SPTB: variants seen among roughly 807,000 people sequenced by gnomAD.
SPTB encodes spectrin beta chain, erythrocytic.
A neutral mutation model predicts 256.2 loss-of-function variants in SPTB; 45 were observed. The observed-to-expected ratio is 0.18, with a 90% confidence interval of 0.14 to 0.23. SPTB has a LOEUF of 0.23. SPTB is among the 10% of genes least tolerant of loss of function. The probability of loss-of-function intolerance (pLI) is 1.00; values close to 1 mark genes in which losing one functional copy is unlikely to be tolerated. For synonymous variants in SPTB, 1,231 were observed against 1,243.1 expected, an observed-to-expected ratio of 0.99 and a Z score of 0.21; for missense variants, 2,715 against 3,040.4, an observed-to-expected ratio of 0.89 and a Z score of 2.52.
At chr14:64,763,076 A>C (rs1208213047) in intron 32 of SPTB, among the ~76,000 whole-genome samples, 1 of 152,146 alleles carries the variant, frequency 6.6e-6, no homozygotes, top group Non-Finnish European at 1.5e-5. Context: ...GCCTGGGGGG[A>C]CTTGCAGCAT....
At chr14:64,801,486 A>T (rs1294583438) in intron 6 of SPTB, 86 bp from the exon 7 acceptor site, 2 of 1,020,896 alleles carry the variant, frequency 2.0e-6, no homozygotes, top group Non-Finnish European at 3.1e-6. Flanking sequence ...GACATTGTAC[A>T]GAGGCAGGGA....
In SPTB at chr14:64,844,039, G is replaced by A. The variant is rs539852909; in HGVS notation, c.-51-20894C>T. On this transcript the variant is annotated intron_variant, in intron 1 of 35. Transcript: ENST00000644917. This position sits in a 1 kb window ranked among gnomAD's most constrained non-coding sequence, Gnocchi z 4.1. ...TAATTATAAAAGTGACATATGCCAG[G>A]TCTTTAGCAAATCCCAACAAAAAAA... Among the ~76,000 whole-genome samples, 29 of 152,062 alleles carry A rather than the reference G, an allele frequency of 1.9e-4. No homozygotes were observed. The highest frequency in any genetic ancestry group is 3.7e-4 in the Non-Finnish European group (25 of 68,014).
chr14:64,749,414 G>T lies in SPTB; in HGVS notation c.6879C>A (p.Ile2293=), dbSNP rs1348448749. ...VSTAINESQS[I]RVKAQSLPLP... ...GGGGCAGGCTCTGCGCCTTGACGCG[G>T]ATGCTCTGGGACTCGTTGATGGCGG... Residue 2293 remains isoleucine (I), a synonymous_variant, in exon 36 of 36, where the codon ATC becomes ATA. Transcript: ENST00000644917. The surrounding 1 kb of genome is among the most constrained non-coding windows in gnomAD (Gnocchi z 4.7). 6.2e-7 allele frequency: 1 copy of T among 1,607,082 alleles called. No individual in the cohort carries two copies.
In SPTB at chr14:64,772,600, G is replaced by T; in HGVS notation, c.5533C>A (p.Leu1845Ile). ...GGTACCTGGACACCCAGCAGGTGGAGCTCCCGCTCGAAGGCTGTGTGCACC... is the reference window on the plus strand; with the variant it reads ...GGTACCTGGACACCCAGCAGGTGGATCTCCCGCTCGAAGGCTGTGTGCACC... ...HRVHTAFERELHLLGVQVQQF... is the reference protein window; with the variant it reads ...HRVHTAFEREIHLLGVQVQQF... Residue 1845 changes from leucine (L) to isoleucine (I), a missense_variant, in exon 26 of 36, where the codon CTC becomes ATC. By Grantham distance (5) the Leu-to-Ile change is conservative. Transcript: ENST00000644917. The surrounding 1 kb of genome is among the most constrained non-coding windows in gnomAD (Gnocchi z 5.4). 1.9e-6 allele frequency: 3 copies of T among 1,609,466 alleles called. No homozygotes were observed. The Admixed American group carries it at 5.0e-5, about 27-fold the overall frequency.
intron 1 of SPTB, among the ~76,000 whole-genome samples, chr14:64,849,193 A>G (rs1039607606): frequency 6.6e-6 from 1 of 152,230 alleles, no homozygotes; most frequent in African/African-American, 2.4e-5. Context: ...CAAACACCAT[A>G]TAATGTTTCC....
chr14:64,835,546 CAG>C (rs1379676337), intron 1 of SPTB, among the ~76,000 whole-genome samples: 1 of 152,186 alleles, frequency 6.6e-6, no homozygotes, highest in Non-Finnish European at 1.5e-5. Flanking sequence ...TCACCCAGCC[CAG>C]AGTCAGTTCT....
At chr14:64,830,870 C>T (rs2083443366) in intron 1 of SPTB, among the ~76,000 whole-genome samples, 1 of 152,202 alleles carries the variant, frequency 6.6e-6, no homozygotes, top group Non-Finnish European at 1.5e-5. Context: ...ACCATGGTGT[C>T]ATGTGCCTTG....
chr14:64,773,486 C>T lies in SPTB; in HGVS notation c.4974-62G>A, dbSNP rs1034876129. 4 of 1,579,168 alleles carry T rather than the reference C, an allele frequency of 2.5e-6. No individual in the cohort carries two copies. In the African/African-American group the frequency reaches 5.4e-5, roughly 21 times the overall value. On this transcript the variant is annotated intron_variant, in intron 24 of 35. Coordinates refer to ENST00000644917, the MANE Select transcript of SPTB (RefSeq NM_001355436.2). The stretch of plus-strand genomic sequence containing the variant: ...AGCCACGAACCCAGAGCCGTGGCTC[C>T]AGGGAGCCAACATATGCCAACCACA...
At chr14:64,791,593 AC>A in intron 15 of SPTB, 125 bp downstream of exon 15, 4 of 690,662 alleles carry the variant, frequency 5.8e-6, no homozygotes, top group South Asian at 2.0e-5. Context: ...AAAAAAAAAG[AC>A]AGGAATGTTG....
chr14:64,754,207 C>A, intron 32 of SPTB: 1 of 333,996 alleles, frequency 3.0e-6, no homozygotes, highest in South Asian at 2.8e-5. Flanking sequence ...GAGGAAAGTT[C>A]TGCTGCTAAG....
Position 64,841,660 on chromosome 14 carries a change from G to T in SPTB, c.-51-18515C>A, listed in dbSNP as rs2083608911. 6.6e-6 allele frequency among the ~76,000 whole-genome samples: 1 copy of T among 151,938 alleles called. No homozygotes were observed. ...ATGGAGAAGATAGGAAAGCATTGTG[G>T]GTAACGTTCCCAGGACAGACCAGTG... On this transcript the variant is annotated intron_variant, in intron 1 of 35. Transcript: ENST00000644917. This position sits in a 1 kb window ranked among gnomAD's most constrained non-coding sequence, Gnocchi z 4.6.
intron 1 of SPTB, among the ~76,000 whole-genome samples, chr14:64,860,549 G>C (rs1001689996): frequency 6.6e-6 from 1 of 151,882 alleles, no homozygotes; most frequent in Non-Finnish European, 1.5e-5. Context: ...ACATGTGTGT[G>C]ACTTATATTC....
intron 1 of SPTB, among the ~76,000 whole-genome samples, chr14:64,848,719 T>G (rs1250491255): frequency 6.6e-6 from 1 of 152,232 alleles, no homozygotes; most frequent in African/African-American, 2.4e-5. Context: ...TTATGCTCCA[T>G]CAAGGTAGCT....
At position 64,866,940 on chromosome 14, in the gene SPTB, C is replaced by A. The variant is rs1216648940; in HGVS notation, c.-52+12852G>T. On this transcript the variant is annotated intron_variant, in intron 1 of 35. Transcript: ENST00000644917. The surrounding 1 kb of genome is among the most constrained non-coding windows in gnomAD (Gnocchi z 4.6). ...AAATCTTGTGTCCGTGGATCTGAAACGCCCACTCAAAGAGCCTTTCATAGC... is the reference window on the plus strand; with the variant it reads ...AAATCTTGTGTCCGTGGATCTGAAAAGCCCACTCAAAGAGCCTTTCATAGC... 6.6e-6 allele frequency among the ~76,000 whole-genome samples: 1 copy of A among 152,096 alleles called. No individual in the cohort carries two copies. Among genetic ancestry groups the A allele is most frequent in the Non-Finnish European group, 1.5e-5 (1 of 68,014 alleles).
chr14:64,795,642 G>A lies in SPTB; in HGVS notation c.1342-3C>T, dbSNP rs1194585888. On this transcript the variant is annotated splice_region_variant and splice_polypyrimidine_tract_variant and intron_variant, in intron 11 of 35. Transcript: ENST00000644917. The surrounding 1 kb of genome is among the most constrained non-coding windows in gnomAD (Gnocchi z 6.5). ...GCCAGGTCATACCCAAAGTTATCCT[G>A]CCCCACCGGGAGAAAAACAGGCAGC... is the stretch of plus-strand genomic sequence containing the variant. 6.2e-7 allele frequency: 1 copy of A among 1,613,596 alleles called. No individual in the cohort carries two copies. Among genetic ancestry groups the A allele is most frequent in the African/African-American group, 1.3e-5 (1 of 74,846 alleles).
In SPTB at chr14:64,747,299, C is replaced by G. The variant is rs937465511; in HGVS notation, c.*2007G>C. 1 of 152,626 alleles carries G rather than the reference C, an allele frequency of 6.6e-6. No individual in the cohort carries two copies. Among genetic ancestry groups the G allele is most frequent in the East Asian group, 1.9e-4 (1 of 5,198 alleles). The allele number at this position is 152,626 out of a possible 1,614,324, so 9.5% of individuals were successfully genotyped here. ...CACCATCTGCCCTTCAGCAAGGAAC[C>G]TGCTCTCTGCCCCAGAGGAGGACAT... On this transcript the variant is annotated 3_prime_UTR_variant, in exon 36 of 36. Coordinates refer to ENST00000644917, the MANE Select transcript of SPTB (RefSeq NM_001355436.2).
At chr14:64,840,957 G>A (rs182771506) in intron 1 of SPTB, among the ~76,000 whole-genome samples, 2 of 152,340 alleles carry the variant, frequency 1.3e-5, no homozygotes, top group Non-Finnish European at 2.9e-5. Context: ...GGAGCTTATA[G>A]TCAGGAAGGT....
At position 64,785,615 on chromosome 14, in the gene SPTB, G is replaced by T; in HGVS notation, c.3777C>A (p.Asn1259Lys). The change falls in exon 18 of 36, where the codon AAC becomes AAA. Residue 1259 changes from asparagine (N) to lysine (K), a missense_variant. This residue lies in a region of SPTB where 2,239 missense variants were observed against 2,384.4 expected (regional missense o/e 0.94). Transcript: ENST00000644917. This position sits in a 1 kb window ranked among gnomAD's most constrained non-coding sequence, Gnocchi z 4.4. The stretch of plus-strand genomic sequence containing the variant: ...CAGAGGCCTCCTGGGCCTTCTCGTT[G>T]TTCTTCCTGTGCCTGGAAAGGAAGC... ...VQLIEDRHRK[N>K]NEKAQEASVL... 6.2e-7 allele frequency: 1 copy of T among 1,614,122 alleles called. No homozygotes were observed. Among genetic ancestry groups the T allele is most frequent in the Non-Finnish European group, 8.5e-7 (1 of 1,180,018 alleles).
Position 64,865,472 on chromosome 14 carries a change from C to A in SPTB, c.-52+14320G>T, listed in dbSNP as rs72726252. On this transcript the variant is annotated intron_variant, in intron 1 of 35. Coordinates refer to ENST00000644917, the MANE Select transcript of SPTB (RefSeq NM_001355436.2). ...TTGGGATCAACTCCGCATCCCTCCC[C>A]CACCTGGACTGAAAGCTTCACCTTG... Among the ~76,000 whole-genome samples the A allele has an allele frequency of 9.1e-3, 1,386 of 152,240 alleles. 12 individuals carry two copies. Among genetic ancestry groups the A allele is most frequent in the Non-Finnish European group, 0.015 (998 of 68,014 alleles).
Sources: allele counts gnomAD v4.1 joint callset (sites outside exome capture counted in the v4.1 genomes callset), GRCh38; gene constraint gnomAD v4.1.1; regional missense constraint gnomAD v4.1.1; non-coding constraint Gnocchi (gnomAD v3.1); transcripts MANE v1.5; gene names NCBI Gene and HGNC (gene_info 2026-07-23, HGNC 2026-07-21).